Variants in TXNDC12 observed in about 807,000 individuals in gnomAD.
TXNDC12 encodes thioredoxin domain containing 12.
Under a neutral mutation model 24.2 loss-of-function variants are expected in TXNDC12, and 22 were observed. The observed-to-expected ratio is 0.91, with a 90% confidence interval of 0.65 to 1.30. The LOEUF (loss-of-function observed/expected upper bound fraction) is 1.30. Among genes scored for constraint, TXNDC12 ranks in the 50% most tolerant of loss-of-function variants. TXNDC12 has a pLI of 0.00. For synonymous variants in TXNDC12, 58 were observed against 73.4 expected (o/e 0.79, Z 1.07); for missense variants, 184 against 205.8 (o/e 0.89, Z 0.65).
At chr1:52,022,955 G>C (rs1685623512) in intron 6 of TXNDC12, 1 of 152,542 alleles carries the variant, frequency 6.6e-6, no homozygotes, top group Admixed American at 6.6e-5. Context: ...GCTATTTTTT[G>C]TATTTTTAGT....
At chr1:52,033,194 G>C in intron 2 of TXNDC12, 1 of 1,614,220 alleles carries the variant, frequency 6.2e-7, no homozygotes, top group East Asian at 2.2e-5. Flanking sequence ...TCTGAATCCG[G>C]AGTCACAAGA....
At chr1:52,041,802 C>T (rs1557996700) in intron 1 of TXNDC12, among the ~76,000 whole-genome samples, 1 of 152,212 alleles carries the variant, frequency 6.6e-6, no homozygotes, top group African/African-American at 2.4e-5. Flanking sequence ...GGAGACACCA[C>T]CACCTAATTC....
intron 2 of TXNDC12, chr1:52,030,256 G>C (rs1016154248): frequency 1.3e-5 from 2 of 151,944 alleles, no homozygotes; most frequent in Admixed American, 1.3e-4. Flanking sequence ...TGTAGTCCCA[G>C]CTACTCACAG....
At chr1:52,032,191 A>G (rs1294523251) in intron 2 of TXNDC12, 2 of 985,236 alleles carry the variant, frequency 2.0e-6, no homozygotes, top group African/African-American at 1.7e-5. Context: ...AAGGATACAA[A>G]CCAATGGATT....
intron 2 of TXNDC12, chr1:52,030,503 G>A (rs563849687): frequency 6.6e-6 from 1 of 152,274 alleles, no homozygotes; most frequent in Admixed American, 6.5e-5. Context: ...GTTGGAAAAA[G>A]CCTTTTGAGT....
chr1:52,035,346 C>A (rs1477986640), intron 2 of TXNDC12, among the ~76,000 whole-genome samples: 1 of 152,118 alleles, frequency 6.6e-6, no homozygotes, highest in Non-Finnish European at 1.5e-5. Context: ...ACTTCAATTT[C>A]CCCTTCTATA....
intron 6 of TXNDC12, among the ~76,000 whole-genome samples, chr1:52,022,026 C>T (rs1372624744): frequency 1.3e-5 from 2 of 152,122 alleles, no homozygotes; most frequent in Non-Finnish European, 2.9e-5. Flanking sequence ...ACCTAAAGCC[C>T]AGCTGCCCTT....
At position 52,020,175 on chromosome 1, in the gene TXNDC12, T is replaced by C. The variant is rs1685571066; in HGVS notation, c.*758A>G. On this transcript the variant is annotated 3_prime_UTR_variant, in exon 7 of 7. Coordinates refer to ENST00000371626, the MANE Select transcript of TXNDC12 (RefSeq NM_015913.4). The stretch of plus-strand genomic sequence containing the variant: ...TAAAGTTTAATGGTACAATATTTTA[T>C]CTCTTTTTTTGTTAATGCCAGTACA... 5.2e-6 allele frequency: 1 copy of C among 192,850 alleles called. No homozygotes were observed. Among genetic ancestry groups the C allele is most frequent in the Non-Finnish European group, 1.1e-5 (1 of 92,922 alleles). The allele number at this position is 192,850 out of a possible 1,614,324, so 11.9% of individuals were successfully genotyped here.
At chr1:52,043,445 G>A (rs550218467) in intron 1 of TXNDC12, among the ~76,000 whole-genome samples, 3 of 152,182 alleles carry the variant, frequency 2.0e-5, no homozygotes, top group Non-Finnish European at 4.4e-5. Context: ...TGATCATAAT[G>A]CTAGCTGCTG....
intron 2 of TXNDC12, among the ~76,000 whole-genome samples, chr1:52,031,532 GC>G (rs1330340830): frequency 2.1e-5 from 3 of 144,496 alleles, no homozygotes; most frequent in Non-Finnish European, 4.6e-5. Context: ...TTTCACTGCT[GC>G]CCAGGCTGGA....
At chr1:52,033,853 C>T (rs1296772974) in intron 2 of TXNDC12, 2 of 1,452,364 alleles carry the variant, frequency 1.4e-6, no homozygotes, top group Non-Finnish European at 1.8e-6. Context: ...ACTGCTCTTC[C>T]TGTCTCCCTT....
At chr1:52,036,528 AACAGGCAGGC>A (rs1685885778) in intron 2 of TXNDC12, among the ~76,000 whole-genome samples, 1 of 152,164 alleles carries the variant, frequency 6.6e-6, no homozygotes, top group South Asian at 2.1e-4. Flanking sequence ...GGGGAGGTAG[AACAGGCAGGC>A]ACACTTGGTG....
chr1:52,022,149 T>A (rs971117368), intron 6 of TXNDC12, among the ~76,000 whole-genome samples: 6 of 152,122 alleles, frequency 3.9e-5, no homozygotes, highest in Admixed American at 6.6e-5. Context: ...ACAGATCTCC[T>A]CCCCGTCCCT....
intron 5 of TXNDC12, 113 bp from the exon 6 acceptor site, chr1:52,023,687 C>T: frequency 1.3e-6 from 1 of 740,816 alleles, no homozygotes; most frequent in South Asian, 1.6e-5. Flanking sequence ...ATATTTGCAG[C>T]CCATTACCTC....
intron 6 of TXNDC12, among the ~76,000 whole-genome samples, chr1:52,021,290 C>T (rs1048381514): frequency 6.6e-6 from 1 of 152,050 alleles, no homozygotes; most frequent in African/African-American, 2.4e-5. Flanking sequence ...GAAGTCATAC[C>T]AAAATCTTAG....
At chr1:52,043,694 T>C (rs1164246477) in intron 1 of TXNDC12, among the ~76,000 whole-genome samples, 2 of 152,248 alleles carry the variant, frequency 1.3e-5, no homozygotes, top group Non-Finnish European at 2.9e-5. Flanking sequence ...TTTGTTATTC[T>C]ATACGATTGA....
At chr1:52,031,754 C>G (rs112325322) in intron 2 of TXNDC12, among the ~76,000 whole-genome samples, 1 of 152,196 alleles carries the variant, frequency 6.6e-6, no homozygotes, top group African/African-American at 2.4e-5. Context: ...GCTGGGATTA[C>G]AAGTATGAGC....
At chr1:52,021,589 A>AGAAACCT in intron 6 of TXNDC12, among the ~76,000 whole-genome samples, 1 of 148,220 alleles carries the variant, frequency 6.7e-6, no homozygotes, top group Non-Finnish European at 1.5e-5. Context: ...AAAGAGAGAG[A>AGAAACCT]GAAACCTGGA....
intron 1 of TXNDC12, among the ~76,000 whole-genome samples, chr1:52,050,358 T>C (rs1047296870): frequency 2.6e-5 from 4 of 152,184 alleles, no homozygotes; most frequent in African/African-American, 7.2e-5. Context: ...GTGTCACCTG[T>C]ATAGCCACTT....
Sources: gnomAD v4.1 joint callset for allele counts (sites outside exome capture counted in the v4.1 genomes callset) on GRCh38, gnomAD v4.1.1 for gene constraint, MANE v1.5 for transcripts, NCBI Gene and HGNC (gene_info 2026-07-23, HGNC 2026-07-21) for gene names.